Variants in ITGA4 observed in about 807,000 individuals in gnomAD.
The protein encoded by ITGA4 is integrin alpha-4.
ITGA4 carries 63 observed loss-of-function variants against 133.6 expected under a neutral mutation model. The ratio of observed to expected loss-of-function variants is 0.47; its 90% CI spans 0.38 to 0.58. The LOEUF (loss-of-function observed/expected upper bound fraction) is 0.58, where lower values mean the gene tolerates loss of function less well. Among genes scored for constraint, ITGA4 ranks in the 20% least tolerant of loss-of-function variants. The pLI is 0.00. For missense variants in ITGA4, 1,076 were observed against 1,252.7 expected (o/e 0.86, Z 2.13); for synonymous variants, 483 against 438.0 (o/e 1.10, Z -1.28).
chr2:181,504,073 G>T (rs1487215497), intron 15 of ITGA4, among the ~76,000 whole-genome samples: 3 of 152,014 alleles, frequency 2.0e-5, no homozygotes, highest in African/African-American at 7.2e-5. Context: ...AGGAGAAGAA[G>T]GGTGCTACAT....
At chr2:181,500,211 T>A (rs777175389) in intron 15 of ITGA4, among the ~76,000 whole-genome samples, 33 of 152,194 alleles carry the variant, frequency 2.2e-4, no homozygotes, top group Non-Finnish European at 2.1e-4. Flanking sequence ...GTTACCTTGC[T>A]TGTGTTTGGA....
At chr2:181,515,124 A>G (rs1360379023) in intron 17 of ITGA4, among the ~76,000 whole-genome samples, 4 of 152,070 alleles carry the variant, frequency 2.6e-5, no homozygotes, top group Non-Finnish European at 5.9e-5. Flanking sequence ...ATAGAGCTCC[A>G]AGTTCTTATC....
At chr2:181,474,516 A>G (rs368226399) in intron 2 of ITGA4, among the ~76,000 whole-genome samples, 3 of 152,340 alleles carry the variant, frequency 2.0e-5, no homozygotes, top group African/African-American at 7.2e-5. Flanking sequence ...ATTGTACCTT[A>G]ATTGCTGAGG....
At position 181,458,327 on chromosome 2, in the gene ITGA4, G is replaced by C. The variant is rs759106112; in HGVS notation, c.319+10G>C. 6.2e-7 allele frequency: 1 copy of C among 1,609,162 alleles called. No individual in the cohort carries two copies. Among genetic ancestry groups the C allele is most frequent in the East Asian group, 2.2e-5 (1 of 44,684 alleles). On this transcript the variant is annotated intron_variant, in intron 2 of 27. Transcript: ENST00000397033. ...GAACAGCTCCAGCTGGGTGAGTTGGGTATGGGACCAGGAGTTAGTGACCTC... is the reference window on the plus strand; with the variant it reads ...GAACAGCTCCAGCTGGGTGAGTTGGCTATGGGACCAGGAGTTAGTGACCTC...
chr2:181,535,138 C>T lies in ITGA4; in HGVS notation c.3003+203C>T, dbSNP rs189102983. 1.7e-3 allele frequency among the ~76,000 whole-genome samples: 256 copies of T among 152,176 alleles called. 7 individuals are homozygous for T. The East Asian group carries it at 0.04, about 24-fold the overall frequency. On this transcript the variant is annotated intron_variant, in intron 27 of 27. Transcript: ENST00000397033. ...TTCTTAATTTGTTTTGAAAGACAGACGTTCCTTTTAAAAAACCATTTGGAA... is the reference window on the plus strand; with the variant it reads ...TTCTTAATTTGTTTTGAAAGACAGATGTTCCTTTTAAAAAACCATTTGGAA...
chr2:181,457,982 C>A, intron 1 of ITGA4, 131 bp downstream of exon 1: 2 of 1,140,542 alleles, frequency 1.8e-6, no homozygotes, highest in East Asian at 2.6e-5. Context: ...CGAGAGCCAG[C>A]TCGCTGGAAA....
intron 10 of ITGA4, among the ~76,000 whole-genome samples, chr2:181,488,605 C>T (rs1685972772): frequency 6.6e-6 from 1 of 151,622 alleles, no homozygotes; most frequent in Non-Finnish European, 1.5e-5. Context: ...GTCACCCAGG[C>T]CAGAGTGCAG....
chr2:181,480,175 G>T lies in ITGA4; in HGVS notation c.663G>T (p.Trp221Cys). The T allele has an allele frequency of 1.9e-6, 3 of 1,564,146 alleles. No individual in the cohort carries two copies. Among genetic ancestry groups the T allele is most frequent in the Non-Finnish European group, 2.6e-6 (3 of 1,157,452 alleles). Residue 221 changes from tryptophan (W) to cysteine (C), a missense_variant, in exon 6 of 28, where the codon TGG becomes TGT. Physicochemically the swap from Trp to Cys is radical, Grantham distance 215. Coordinates refer to ENST00000397033, the MANE Select transcript of ITGA4 (RefSeq NM_000885.6). ...TGGGGGCCCCAGGATCATCTTACTG[G>T]ACTGGCTCTCTTTTTGTCTACAATA... Reference protein sequence around the residue: ...IVMGAPGSSYWTGSLFVYNIT... With the variant: ...IVMGAPGSSYCTGSLFVYNIT...
At chr2:181,508,358 A>G (rs1686435782) in intron 15 of ITGA4, among the ~76,000 whole-genome samples, 1 of 152,100 alleles carries the variant, frequency 6.6e-6, no homozygotes, top group South Asian at 2.1e-4. Flanking sequence ...TGGTAAATAA[A>G]TTCAAGAGTT....
At chr2:181,498,570 CA>C (rs1686204630) in intron 14 of ITGA4, 52 bp from the exon 15 acceptor site, 1 of 1,132,136 alleles carries the variant, frequency 8.8e-7, no homozygotes, top group Non-Finnish European at 1.3e-6. Flanking sequence ...TCAAAAATAA[CA>C]ATAGATGTAT....
chr2:181,459,649 T>G (rs1685217754), intron 2 of ITGA4, among the ~76,000 whole-genome samples: 1 of 152,220 alleles, frequency 6.6e-6, no homozygotes, highest in Non-Finnish European at 1.5e-5. Context: ...TAGGAATGCA[T>G]AAAACATTCA....
chr2:181,501,883 G>A (rs990773819), intron 15 of ITGA4, among the ~76,000 whole-genome samples: 3 of 152,074 alleles, frequency 2.0e-5, no homozygotes, highest in Non-Finnish European at 2.9e-5. Flanking sequence ...TTGAGGACAG[G>A]CAGAGAACAG....
At chr2:181,468,362 G>A (rs2105718876) in intron 2 of ITGA4, among the ~76,000 whole-genome samples, 1 of 152,290 alleles carries the variant, frequency 6.6e-6, no homozygotes, top group South Asian at 2.1e-4. Context: ...AGAGTTTGGT[G>A]ATAATTATGC....
At chr2:181,506,758 T>C (rs1047489428) in intron 15 of ITGA4, among the ~76,000 whole-genome samples, 3 of 152,130 alleles carry the variant, frequency 2.0e-5, no homozygotes, top group African/African-American at 7.2e-5. Flanking sequence ...TTAAGGATTA[T>C]TAATTGATGA....
chr2:181,508,303 T>C (rs188488422), intron 15 of ITGA4, among the ~76,000 whole-genome samples: 2 of 152,218 alleles, frequency 1.3e-5, no homozygotes. Flanking sequence ...ATGAATGTTA[T>C]ACAGAGCAGA....
intron 2 of ITGA4, among the ~76,000 whole-genome samples, chr2:181,470,898 G>C (rs1165441135): frequency 6.6e-6 from 1 of 151,970 alleles, no homozygotes; most frequent in Non-Finnish European, 1.5e-5. Flanking sequence ...AAGAGAAAAA[G>C]TCCCAGAAAT....
rs541659665 is a variant in ITGA4, at chr2:181,536,527, G to GTAAT, written c.*1002_*1005dup. On this transcript the variant is annotated 3_prime_UTR_variant, in exon 28 of 28. Coordinates refer to ENST00000397033, the MANE Select transcript of ITGA4 (RefSeq NM_000885.6). The stretch of plus-strand genomic sequence containing the variant: ...CTATCACACAACTATTTCCTTGGAT[G>GTAAT]TAATTCTTTGTTACCCTTTACAAGT... 2.5e-3 allele frequency: 263 copies of GTAAT among 103,636 alleles called. No individual in the cohort carries two copies. Among genetic ancestry groups the GTAAT allele is most frequent in the Non-Finnish European group, 4.0e-3 (196 of 49,238 alleles). The allele number at this position is 103,636 out of a possible 1,614,324, so 6.4% of individuals were successfully genotyped here. A position where few individuals can be genotyped will look rare whatever the true frequency, so the allele number is the denominator to read the frequency against.
In ITGA4 at chr2:181,538,714, T is replaced by G. The variant is rs180747203; in HGVS notation, c.*3187T>G. Among the ~76,000 whole-genome samples the G allele has an allele frequency of 1.5e-4, 23 of 152,240 alleles. No homozygotes were observed. The highest frequency in any genetic ancestry group is 5.1e-4 in the African/African-American group (21 of 41,548). On this transcript the variant is annotated 3_prime_UTR_variant, in exon 28 of 28. Coordinates refer to ENST00000397033, the MANE Select transcript of ITGA4 (RefSeq NM_000885.6). ...ACAGTAATTATGAGTGAGAGGAAAC[T>G]AAGATGGAAGGATAAAAATCTAACA...
At chr2:181,459,167 C>T (rs896760754) in intron 2 of ITGA4, 1 of 152,194 alleles carries the variant, frequency 6.6e-6, no homozygotes, top group African/African-American at 2.4e-5. Flanking sequence ...TGTATGAGGA[C>T]TGTGGCTCAG....
Sources: allele counts gnomAD v4.1 joint callset (sites outside exome capture counted in the v4.1 genomes callset), GRCh38; gene constraint gnomAD v4.1.1; transcripts MANE v1.5; gene names NCBI Gene and HGNC (gene_info 2026-07-23, HGNC 2026-07-21).